Variants in ATG10 observed in about 807,000 individuals in gnomAD.
ATG10 encodes the protein ubiquitin-like-conjugating enzyme ATG10.
In ATG10, 30 loss-of-function variants were observed where a neutral mutation model predicts 32.1. The ratio of observed to expected loss-of-function variants is 0.94; its 90% CI spans 0.70 to 1.27. The LOEUF is 1.27. Among genes scored for constraint, ATG10 ranks in the 50% most tolerant of loss-of-function variants. The pLI is 0.00. For synonymous variants in ATG10, 87 were observed against 91.5 expected, an observed-to-expected ratio of 0.95 and a Z score of 0.28; for missense variants, 233 against 262.3, an observed-to-expected ratio of 0.89 and a Z score of 0.77.
chr5:82,102,590 C>G (rs965363522), intron 3 of ATG10, among the ~76,000 whole-genome samples: 1 of 152,058 alleles, frequency 6.6e-6, no homozygotes, highest in African/African-American at 2.4e-5. Flanking sequence ...ACAGGTAAAC[C>G]AAGTATCAGT....
rs377038793 is a variant in ATG10, at chr5:82,094,084, C to T, written c.216+35482C>T. Among the ~76,000 whole-genome samples the T allele has an allele frequency of 5.9e-5, 9 of 152,108 alleles. No individual in the cohort carries two copies. The East Asian group carries it at 9.6e-4, about 16-fold the overall frequency. On this transcript the variant is annotated intron_variant, in intron 3 of 7. Transcript: ENST00000282185. The stretch of plus-strand genomic sequence containing the variant: ...GAGGGACTTATTTTTCTATGCTGCT[C>T]TCTCCAGTTTCAGCACCTCATCGCG...
At chr5:82,039,320 G>A (rs1387261197) in intron 2 of ATG10, among the ~76,000 whole-genome samples, 5 of 152,088 alleles carry the variant, frequency 3.3e-5, no homozygotes, top group African/African-American at 1.2e-4. Flanking sequence ...TAGGAGAGAA[G>A]CAGGGAATTA....
chr5:82,250,664 C>T (rs1320752396), intron 5 of ATG10, among the ~76,000 whole-genome samples: 2 of 152,166 alleles, frequency 1.3e-5, no homozygotes, highest in Admixed American at 1.3e-4. Context: ...CTTTGTAGGG[C>T]TTATAATTAT....
chr5:82,229,033 GA>G (rs1304532656), intron 5 of ATG10, among the ~76,000 whole-genome samples: 4 of 152,214 alleles, frequency 2.6e-5, no homozygotes, highest in Non-Finnish European at 4.4e-5. Context: ...GTGTTTCACA[GA>G]GAAGGTCAGT....
intron 2 of ATG10, among the ~76,000 whole-genome samples, chr5:82,057,976 G>T (rs1256387923): frequency 6.6e-6 from 1 of 152,148 alleles, no homozygotes; most frequent in African/African-American, 2.4e-5. Context: ...GGAAATGACC[G>T]CTGTGTAAGG....
At chr5:81,987,466 A>C in intron 1 of ATG10, 93 bp from the exon 2 acceptor site, 5 of 924,100 alleles carry the variant, frequency 5.4e-6, no homozygotes, top group Non-Finnish European at 8.1e-6. Flanking sequence ...CTACATCCCA[A>C]ATTTTGGTTT....
intron 5 of ATG10, among the ~76,000 whole-genome samples, chr5:82,224,015 C>A (rs760376462): frequency 5.9e-5 from 9 of 152,164 alleles, no homozygotes; most frequent in Non-Finnish European, 8.8e-5. Flanking sequence ...GTAAGGATTG[C>A]ATACCTTTGG....
In ATG10 at chr5:81,993,336, C is replaced by CTTCTTTCTTTCTTTCTTTCT. The variant is rs376821435; in HGVS notation, c.108+5662_108+5681dup. ...CTTTCTTTCTTTCTTTCCTTCCTTC[C>CTTCTTTCTTTCTTTCTTTCT]TTCTTTCTTTCTTTCTTTCTTTCCT... On this transcript the variant is annotated intron_variant, in intron 2 of 7. Coordinates refer to ENST00000282185, the MANE Select transcript of ATG10 (RefSeq NM_031482.5). Among the ~76,000 whole-genome samples, 48 of 77,728 alleles carry CTTCTTTCTTTCTTTCTTTCT rather than the reference C, an allele frequency of 6.2e-4. 1 individual carries two copies. The highest frequency in any genetic ancestry group is 1.8e-3 in the African/African-American group (28 of 15,666). The allele number at this position is 77,728 out of a possible 152,430, so 51.0% of individuals were successfully genotyped here.
At chr5:82,153,763 G>A (rs1258145159) in intron 3 of ATG10, among the ~76,000 whole-genome samples, 1 of 152,076 alleles carries the variant, frequency 6.6e-6, no homozygotes, top group East Asian at 1.9e-4. Flanking sequence ...AGTATTTGTT[G>A]TAATTATAAT....
intron 3 of ATG10, among the ~76,000 whole-genome samples, chr5:82,065,789 A>G (rs1313412317): frequency 6.6e-6 from 1 of 152,178 alleles, no homozygotes; most frequent in Non-Finnish European, 1.5e-5. Context: ...TACAAATAGA[A>G]GTGGGAACCA....
intron 3 of ATG10, among the ~76,000 whole-genome samples, chr5:82,145,974 T>A (rs1767340887): frequency 6.6e-6 from 1 of 152,192 alleles, no homozygotes; most frequent in Admixed American, 6.5e-5. Flanking sequence ...CCCAAAGTGT[T>A]GGGATTACAG....
chr5:82,004,308 A>G (rs1346696584), intron 2 of ATG10, among the ~76,000 whole-genome samples: 2 of 152,328 alleles, frequency 1.3e-5, no homozygotes, highest in East Asian at 1.9e-4. Context: ...TCTTTGCATT[A>G]CTAAAAATGG....
At chr5:82,050,228 A>C (rs995925942) in intron 2 of ATG10, among the ~76,000 whole-genome samples, 1 of 152,126 alleles carries the variant, frequency 6.6e-6, no homozygotes, top group Middle Eastern at 3.7e-3. Context: ...GGATGATTTT[A>C]ATTTGCTTAA....
At chr5:82,152,413 CA>C (rs759763540) in intron 3 of ATG10, among the ~76,000 whole-genome samples, 6 of 152,168 alleles carry the variant, frequency 3.9e-5, no homozygotes, top group Non-Finnish European at 8.8e-5. Flanking sequence ...CTGGGAAAAC[CA>C]GGTAACAGTG....
At chr5:82,200,619 G>A (rs1056411947) in intron 5 of ATG10, among the ~76,000 whole-genome samples, 6 of 149,990 alleles carry the variant, frequency 4.0e-5, no homozygotes, top group African/African-American at 1.2e-4. Flanking sequence ...CTGGGATTAT[G>A]GATGTGTGCT....
chr5:82,236,582 A>T (rs991406399), intron 5 of ATG10, among the ~76,000 whole-genome samples: 3 of 152,182 alleles, frequency 2.0e-5, no homozygotes, highest in Non-Finnish European at 4.4e-5. Flanking sequence ...AGGTTTTGTT[A>T]GTAGAGGAGG....
intron 5 of ATG10, among the ~76,000 whole-genome samples, chr5:82,198,690 G>A (rs771256499): frequency 1.3e-4 from 20 of 152,196 alleles, no homozygotes; most frequent in Non-Finnish European, 2.2e-4. Flanking sequence ...ACATTCTAAG[G>A]ACAGGCCACT....
intron 5 of ATG10, among the ~76,000 whole-genome samples, chr5:82,235,471 T>C (rs1425256617): frequency 6.6e-6 from 1 of 152,252 alleles, no homozygotes; most frequent in Non-Finnish European, 1.5e-5. Flanking sequence ...GATTCTTCTC[T>C]ATATCTTTGG....
At chr5:82,144,174 C>A (rs915310056) in intron 3 of ATG10, among the ~76,000 whole-genome samples, 4 of 151,924 alleles carry the variant, frequency 2.6e-5, no homozygotes, top group Non-Finnish European at 5.9e-5. Flanking sequence ...TAATGATAAT[C>A]CTTTTTTCAT....
Sources: allele counts gnomAD v4.1 joint callset (sites outside exome capture counted in the v4.1 genomes callset), GRCh38; gene constraint gnomAD v4.1.1; transcripts MANE v1.5; gene names NCBI Gene and HGNC (gene_info 2026-07-23, HGNC 2026-07-21).